NEK11: variants seen among roughly 807,000 people sequenced by gnomAD.
The protein encoded by NEK11 is NIMA related kinase 11.
A neutral mutation model predicts 80.7 loss-of-function variants in NEK11; 72 were observed. The observed-to-expected ratio is 0.89, with a 90% confidence interval of 0.74 to 1.08. The LOEUF (loss-of-function observed/expected upper bound fraction) is 1.08, where lower values mean the gene tolerates loss of function less well. Ranked by LOEUF, NEK11 falls within the 50% of genes least tolerant of loss-of-function variation. The probability of loss-of-function intolerance (pLI) is 0.00; values close to 1 mark genes in which losing one functional copy is unlikely to be tolerated. For missense variants in NEK11, 764 were observed against 763.6 expected (o/e 1.00, Z -0.01); for synonymous variants, 251 against 260.7 (o/e 0.96, Z 0.36).
intron 16 of NEK11, among the ~76,000 whole-genome samples, chr3:131,255,110 AAGAAAGAAAGAAAGAAAGAG>A (rs1345127917): frequency 6.6e-6 from 1 of 151,022 alleles, no homozygotes; most frequent in African/African-American, 2.5e-5. Flanking sequence ...GAAAGAAAGA[AAGAAAGAAAGAAAGAAAGAG>A]AGAAAGAACA....
Position 131,114,031 on chromosome 3 carries a change from G to T in NEK11, c.455+4110G>T, listed in dbSNP as rs147855629. On this transcript the variant is annotated intron_variant, in intron 5 of 17. Transcript: ENST00000383366. The stretch of plus-strand genomic sequence containing the variant: ...GGGAATTTGGAGTGAGGAGGGGGAG[G>T]AAGTTGGAGTGAGGAGGGGGAGGAA... Among the ~76,000 whole-genome samples, 744 of 151,950 alleles carry T rather than the reference G, an allele frequency of 4.9e-3. 11 individuals are homozygous for T. Among genetic ancestry groups the T allele is most frequent in the African/African-American group, 0.017 (708 of 41,442 alleles).
At chr3:131,326,617 C>T (rs900273116) in intron 17 of NEK11, among the ~76,000 whole-genome samples, 3 of 152,172 alleles carry the variant, frequency 2.0e-5, no homozygotes, top group African/African-American at 7.2e-5. Context: ...AAAGTAGCCT[C>T]ACCACCACCA....
intron 17 of NEK11, among the ~76,000 whole-genome samples, chr3:131,310,295 T>C (rs1174907643): frequency 6.6e-6 from 1 of 152,176 alleles, no homozygotes; most frequent in South Asian, 2.1e-4. Flanking sequence ...GGATTGTGAT[T>C]AGGCTTAAGA....
chr3:131,057,489 T>C (rs2148760255), intron 3 of NEK11, among the ~76,000 whole-genome samples: 1 of 150,574 alleles, frequency 6.6e-6, no homozygotes, highest in African/African-American at 2.4e-5. Context: ...GTTGAACTAG[T>C]TTACAGTCCC....
At chr3:131,188,711 A>G (rs1579843996) in intron 14 of NEK11, among the ~76,000 whole-genome samples, 1 of 152,238 alleles carries the variant, frequency 6.6e-6, no homozygotes, top group Non-Finnish European at 1.5e-5. Context: ...TCTTCAACAA[A>G]TATTTATCAG....
At chr3:131,207,321 T>G (rs1466492999) in intron 14 of NEK11, among the ~76,000 whole-genome samples, 1 of 152,182 alleles carries the variant, frequency 6.6e-6, no homozygotes, top group South Asian at 2.1e-4. Flanking sequence ...CGGTGGCCCA[T>G]GCCTGTAATC....
chr3:131,109,920 A>G lies in NEK11; in HGVS notation c.454A>G (p.Arg152Gly), dbSNP rs1195770571. ...GCTGGGAGTTGACTACATGCATGAG[A>G]GGTATGTTCATTTGCTACTGGGGGA... ...LLLGVDYMHE[R>G]RILHRDLKSK... The change falls in exon 5 of 18, where the codon AGG becomes GGG. Residue 152 changes from arginine (R) to glycine (G), a missense_variant and splice_region_variant. Physicochemically the swap from Arg to Gly is moderately radical, Grantham distance 125. Transcript: ENST00000383366. 1.3e-6 allele frequency: 2 copies of G among 1,592,634 alleles called. No homozygotes were observed. Among genetic ancestry groups the G allele is most frequent in the African/African-American group, 1.4e-5 (1 of 73,554 alleles).
chr3:131,242,890 G>T (rs749529288), intron 15 of NEK11, among the ~76,000 whole-genome samples: 1 of 152,028 alleles, frequency 6.6e-6, no homozygotes, highest in African/African-American at 2.4e-5. Flanking sequence ...TTCCCCAACC[G>T]TTATGGGGGA....
At chr3:131,312,886 CG>C (rs1023280817) in intron 17 of NEK11, among the ~76,000 whole-genome samples, 1 of 151,930 alleles carries the variant, frequency 6.6e-6, no homozygotes, top group African/African-American at 2.4e-5. Flanking sequence ...AAACTCGTGT[CG>C]GGGGGTTTGT....
chr3:131,063,052 T>C (rs2071197479), intron 3 of NEK11, among the ~76,000 whole-genome samples: 3 of 152,202 alleles, frequency 2.0e-5, no homozygotes, highest in African/African-American at 7.2e-5. Flanking sequence ...AGAGACAGAC[T>C]TTTGCGCTGA....
At chr3:131,099,348 A>G (rs931863511) in intron 4 of NEK11, among the ~76,000 whole-genome samples, 1 of 152,176 alleles carries the variant, frequency 6.6e-6, no homozygotes, top group East Asian at 1.9e-4. Context: ...TTGTACTAGT[A>G]TCATGCTTTT....
chr3:131,182,279 G>C (rs1222030511), intron 14 of NEK11, among the ~76,000 whole-genome samples: 1 of 152,052 alleles, frequency 6.6e-6, no homozygotes, highest in African/African-American at 2.4e-5. Context: ...CTCAAAAAAG[G>C]AAAAATAGGA....
At chr3:131,078,006 A>T (rs1397623468) in intron 3 of NEK11, among the ~76,000 whole-genome samples, 2 of 152,202 alleles carry the variant, frequency 1.3e-5, no homozygotes, top group Admixed American at 1.3e-4. Context: ...AAGTGTTCCA[A>T]CTTTCTGTAT....
At chr3:131,286,302 C>T (rs113641834) in intron 17 of NEK11, among the ~76,000 whole-genome samples, 3,272 of 152,236 alleles carry the variant, frequency 0.021, 99 homozygotes, top group African/African-American at 0.073. Flanking sequence ...ACTTCTTGGG[C>T]AGTATTTATG....
At chr3:131,346,557 C>A (rs1486100298) in intron 17 of NEK11, among the ~76,000 whole-genome samples, 2 of 152,004 alleles carry the variant, frequency 1.3e-5, no homozygotes, top group African/African-American at 4.8e-5. Context: ...TGAGTTTAAC[C>A]ATTAGGTCTT....
intron 15 of NEK11, among the ~76,000 whole-genome samples, chr3:131,238,559 T>C (rs2095471240): frequency 6.6e-6 from 1 of 152,154 alleles, no homozygotes; most frequent in Non-Finnish European, 1.5e-5. Context: ...ATTTGGGGTT[T>C]AGGGAAGACC....
At chr3:131,294,081 C>T (rs72991580) in intron 17 of NEK11, among the ~76,000 whole-genome samples, 15,203 of 151,756 alleles carry the variant, frequency 0.1, 1,215 homozygotes, top group African/African-American at 0.22. Context: ...CATTGATTTC[C>T]GCTCTAATTC....
At chr3:131,073,732 C>T (rs954818364) in intron 3 of NEK11, among the ~76,000 whole-genome samples, 1 of 152,074 alleles carries the variant, frequency 6.6e-6, no homozygotes, top group African/African-American at 2.4e-5. Context: ...GGAGGAATTT[C>T]CTTTATTTTT....
rs779209067 is a variant in NEK11 at position 131,273,542 on chromosome 3, G to A, written c.1686G>A (p.Val562=). 4 of 1,613,930 alleles carry A rather than the reference G, an allele frequency of 2.5e-6. No individual in the cohort carries two copies. Among genetic ancestry groups the A allele is most frequent in the Non-Finnish European group, 3.4e-6 (4 of 1,179,928 alleles). Residue 562 remains valine, a synonymous_variant, in exon 17 of 18, where the codon GTG becomes GTA. Coordinates refer to ENST00000383366, the MANE Select transcript of NEK11 (RefSeq NM_024800.5). ...CAGGACCACCAATTTTCAACAGTGT[G>A]ATGGCCAGGACCAAGATGAAACGCA... ...MSPGPPIFNS[V]MARTKMKRMR...
Sources: gnomAD v4.1 joint callset for allele counts (sites outside exome capture counted in the v4.1 genomes callset) on GRCh38, gnomAD v4.1.1 for gene constraint, MANE v1.5 for transcripts, NCBI Gene and HGNC (gene_info 2026-07-23, HGNC 2026-07-21) for gene names.